The following GUCY1A2 variants were observed in gnomAD, a reference collection of about 807,000 sequenced individuals.
GUCY1A2 encodes the protein guanylate cyclase 1 soluble subunit alpha 2.
A neutral mutation model predicts 63.5 loss-of-function variants in GUCY1A2; 27 were observed. That is an observed-to-expected ratio of 0.43 (90% CI 0.31 to 0.59). GUCY1A2 has a LOEUF of 0.59. GUCY1A2 is among the 20% of genes least tolerant of loss of function. The pLI is 0.11. For missense variants in GUCY1A2, 768 were observed against 913.3 expected (o/e 0.84, Z 2.05); for synonymous variants, 364 against 343.5 (o/e 1.06, Z -0.66).
intron 6 of GUCY1A2, among the ~76,000 whole-genome samples, chr11:106,715,169 CTTCT>C (rs1863192683): frequency 6.6e-6 from 1 of 152,134 alleles, no homozygotes; most frequent in Non-Finnish European, 1.5e-5. Context: ...CAATATTCTG[CTTCT>C]TTATTACCAG....
intron 6 of GUCY1A2, among the ~76,000 whole-genome samples, chr11:106,709,917 A>T (rs536741165): frequency 3.5e-5 from 1 of 28,740 alleles, no homozygotes; most frequent in Non-Finnish European, 1.1e-4. Flanking sequence ...AGTTATATAT[A>T]ACATATAGTT....
At position 106,850,562 on chromosome 11, in the gene GUCY1A2, A is replaced by T. The variant is rs747723203; in HGVS notation, c.1207-40084T>A. 4.4e-4 allele frequency among the ~76,000 whole-genome samples: 67 copies of T among 151,774 alleles called. No homozygotes were observed. In the Middle Eastern group the frequency reaches 0.017, roughly 39 times the overall value. ...CTACTCTCCATTTCCATAAGCTCAA[A>T]ATGTTTTTTTGGCACCCACATATGT... On this transcript the variant is annotated intron_variant, in intron 4 of 7. Coordinates refer to ENST00000526355, the MANE Select transcript of GUCY1A2 (RefSeq NM_000855.3).
intron 4 of GUCY1A2, among the ~76,000 whole-genome samples, chr11:106,825,235 GT>G (rs1198850773): frequency 6.6e-6 from 1 of 152,038 alleles, no homozygotes; most frequent in Non-Finnish European, 1.5e-5. Flanking sequence ...ATTGTCTTAA[GT>G]TTTTTATGCC....
chr11:106,853,276 GTTTAC>G (rs1251049514), intron 4 of GUCY1A2, among the ~76,000 whole-genome samples: 1 of 151,886 alleles, frequency 6.6e-6, no homozygotes, highest in African/African-American at 2.4e-5. Flanking sequence ...AAATATATCT[GTTTAC>G]TTTATAGCAT....
At chr11:106,871,075 A>T (rs1248835239) in intron 4 of GUCY1A2, among the ~76,000 whole-genome samples, 1 of 151,608 alleles carries the variant, frequency 6.6e-6, no homozygotes, top group Non-Finnish European at 1.5e-5. Flanking sequence ...CAACTAATAA[A>T]CAATTTTAAA....
Position 106,896,941 on chromosome 11 carries a change from T to C in GUCY1A2, c.1206+42519A>G, listed in dbSNP as rs573655573. 6.4e-4 allele frequency among the ~76,000 whole-genome samples: 98 copies of C among 152,278 alleles called. 1 individual carries two copies. In the South Asian group the frequency reaches 0.02, roughly 31 times the overall value. The stretch of plus-strand genomic sequence containing the variant: ...TGTTCAGAGATCACATGAATATCTA[T>C]GTAGAAAATTCAAAAGAACCAACAA... On this transcript the variant is annotated intron_variant, in intron 4 of 7. Transcript: ENST00000526355.
chr11:106,700,325 A>T (rs182078935), intron 7 of GUCY1A2, among the ~76,000 whole-genome samples: 19 of 152,004 alleles, frequency 1.2e-4, no homozygotes, highest in African/African-American at 4.6e-4. Flanking sequence ...AAATCCCCCT[A>T]CCCCCAAAAA....
At chr11:106,859,599 A>T (rs1859481589) in intron 4 of GUCY1A2, among the ~76,000 whole-genome samples, 1 of 152,034 alleles carries the variant, frequency 6.6e-6, no homozygotes, top group South Asian at 2.1e-4. Context: ...TTTAAAAGTG[A>T]AATAAGATTC....
intron 4 of GUCY1A2, among the ~76,000 whole-genome samples, chr11:106,920,184 C>CA (rs1176326277): frequency 6.6e-6 from 1 of 151,548 alleles, no homozygotes; most frequent in Non-Finnish European, 1.5e-5. Context: ...CACACCAGGG[C>CA]AATAACACCA....
At chr11:107,016,063 T>C (rs1591365312) in intron 1 of GUCY1A2, among the ~76,000 whole-genome samples, 1 of 152,194 alleles carries the variant, frequency 6.6e-6, no homozygotes, top group South Asian at 2.1e-4. Context: ...TCATTCTCCA[T>C]TAATACAAGT....
intron 4 of GUCY1A2, among the ~76,000 whole-genome samples, chr11:106,846,365 C>T (rs1859274020): frequency 6.6e-6 from 1 of 151,530 alleles, no homozygotes; most frequent in African/African-American, 2.4e-5. Context: ...GTTTTAACAT[C>T]TTGCTAGTTT....
chr11:106,865,010 A>C (rs1859571458), intron 4 of GUCY1A2, among the ~76,000 whole-genome samples: 1 of 152,014 alleles, frequency 6.6e-6, no homozygotes, highest in Non-Finnish European at 1.5e-5. Flanking sequence ...TCCACTTTGT[A>C]CCTCTGGTAG....
In GUCY1A2 at chr11:106,990,186, G is replaced by A. The variant is rs1199592283; in HGVS notation, c.304-4055C>T. Among the ~76,000 whole-genome samples the A allele has an allele frequency of 3.3e-5, 5 of 152,274 alleles. No homozygotes were observed. In the South Asian group the frequency reaches 1.0e-3, roughly 32 times the overall value. On this transcript the variant is annotated intron_variant, in intron 1 of 7. Transcript: ENST00000526355. ...TGGAGAGGAAGCCAGCTGGAAAGAG[G>A]AAGCAGCCATCAGTGTCCTGCACAC...
chr11:106,860,642 T>G (rs1368013539), intron 4 of GUCY1A2, among the ~76,000 whole-genome samples: 2 of 152,002 alleles, frequency 1.3e-5, no homozygotes, highest in Non-Finnish European at 2.9e-5. Context: ...TTTACGTGCC[T>G]GGTGACCCAG....
At chr11:106,944,215 CAA>C (rs71041701) in intron 3 of GUCY1A2, among the ~76,000 whole-genome samples, 1,199 of 21,550 alleles carry the variant, frequency 0.056, 59 homozygotes, top group African/African-American at 0.066. Flanking sequence ...ACCCTGTCTC[CAA>C]AAAAAAAAAA....
intron 4 of GUCY1A2, among the ~76,000 whole-genome samples, chr11:106,895,952 T>C (rs1039210293): frequency 2.0e-5 from 3 of 151,288 alleles, no homozygotes; most frequent in Non-Finnish European, 2.9e-5. Context: ...AGGCGAAGGT[T>C]TCAGTGAGCC....
chr11:106,930,974 C>A (rs539337135), intron 4 of GUCY1A2, among the ~76,000 whole-genome samples: 1 of 152,180 alleles, frequency 6.6e-6, no homozygotes, highest in Non-Finnish European at 1.5e-5. Context: ...GAAGGAGATA[C>A]TGAAATATGT....
chr11:106,939,831 C>T lies in GUCY1A2; in HGVS notation c.835G>A (p.Asp279Asn), dbSNP rs1305706684. 4 of 1,613,742 alleles carry T rather than the reference C, an allele frequency of 2.5e-6. No homozygotes were observed. The Admixed American group carries it at 5.0e-5, about 20-fold the overall frequency. ...CTACAATTGCCTGGGTTTGAAACAT[C>T]AGAGCATAGCTTCTCATTTGCAACC... ...EQVANEKLCSDVSNPGNCSCL... is the reference protein window; with the variant it reads ...EQVANEKLCSNVSNPGNCSCL... The change falls in exon 4 of 8, where the codon GAT (aspartate) becomes AAT (asparagine). Residue 279 changes from aspartate (D) to asparagine (N), a missense_variant. Physicochemically the swap from Asp to Asn is conservative, Grantham distance 23. Around this residue, in one of 3 missense-constraint regions of GUCY1A2, gnomAD observed 496 missense variants for 486.9 expected, o/e 1.02. Transcript: ENST00000526355.
intron 4 of GUCY1A2, among the ~76,000 whole-genome samples, chr11:106,897,846 T>C (rs907006810): frequency 2.0e-5 from 3 of 152,070 alleles, no homozygotes; most frequent in East Asian, 1.9e-4. Context: ...TTTAAAAAAA[T>C]TGATGAACTT....
Sources: allele counts gnomAD v4.1 joint callset (sites outside exome capture counted in the v4.1 genomes callset), GRCh38; gene constraint gnomAD v4.1.1; regional missense constraint gnomAD v4.1.1; transcripts MANE v1.5; gene names NCBI Gene and HGNC (gene_info 2026-07-23, HGNC 2026-07-21).